Variants in ABHD12B observed in about 807,000 individuals in gnomAD.
ABHD12B encodes the protein protein ABHD12B.
In ABHD12B, 42 loss-of-function variants were observed where a neutral mutation model predicts 50.4. That is an observed-to-expected ratio of 0.83 (90% CI 0.65 to 1.08). ABHD12B has a LOEUF of 1.08. Ranked by LOEUF, ABHD12B falls within the 50% of genes least tolerant of loss-of-function variation. The pLI is 0.00. For missense variants in ABHD12B, 479 were observed against 447.7 expected, an observed-to-expected ratio of 1.07 and a Z score of -0.63; for synonymous variants, 167 against 160.3, an observed-to-expected ratio of 1.04 and a Z score of -0.32.
At chr14:50,885,459 T>A (rs2050022394) in intron 5 of ABHD12B, among the ~76,000 whole-genome samples, 155 bp from the exon 6 acceptor site, 1 of 152,226 alleles carries the variant, frequency 6.6e-6, no homozygotes. Context: ...TAGCTGTTTT[T>A]CTAGGTTCTG....
At chr14:50,889,467 G>A (rs561466901) in intron 9 of ABHD12B, among the ~76,000 whole-genome samples, 3 of 152,212 alleles carry the variant, frequency 2.0e-5, no homozygotes, top group African/African-American at 4.8e-5. Flanking sequence ...GTGAAACCCC[G>A]TCTCTACTAA....
chr14:50,903,892 T>C, intron 11 of ABHD12B, 182 bp from the exon 12 acceptor site: 1 of 600,542 alleles, frequency 1.7e-6, no homozygotes, highest in Non-Finnish European at 3.0e-6. Context: ...CTATATTAGC[T>C]GAGCAGCATT....
At chr14:50,872,791 C>T (rs912947627) in intron 1 of ABHD12B, among the ~76,000 whole-genome samples, 4 of 152,204 alleles carry the variant, frequency 2.6e-5, no homozygotes, top group Non-Finnish European at 4.4e-5. Flanking sequence ...GAAAACACCT[C>T]CAGTATGCTA....
rs140798941 is a variant in ABHD12B at position 50,889,204 on chromosome 14, C to T, written c.780+301C>T. Among the ~76,000 whole-genome samples, 456 of 152,240 alleles carry T rather than the reference C, an allele frequency of 3.0e-3. 1 individual carries two copies. Among genetic ancestry groups the T allele is most frequent in the African/African-American group, 0.01 (431 of 41,522 alleles). On this transcript the variant is annotated intron_variant, in intron 9 of 12. Coordinates refer to ENST00000337334, the MANE Select transcript of ABHD12B (RefSeq NM_001206673.2). ...TTTTCTTCTTAAAAGTGAAAACAAACGTTTCATACATCATTTTTGAGCCCT... is the reference window on the plus strand; with the variant it reads ...TTTTCTTCTTAAAAGTGAAAACAAATGTTTCATACATCATTTTTGAGCCCT...
chr14:50,875,901 C>T (rs1054305805), intron 1 of ABHD12B, among the ~76,000 whole-genome samples: 6 of 152,030 alleles, frequency 3.9e-5, no homozygotes, highest in Admixed American at 2.0e-4. Context: ...CATAGCTTAG[C>T]GGGAGACTAC....
intron 5 of ABHD12B, among the ~76,000 whole-genome samples, chr14:50,884,431 G>A (rs1009391821): frequency 2.0e-5 from 3 of 152,218 alleles, no homozygotes; most frequent in African/African-American, 4.8e-5. Context: ...TTCCTAATGA[G>A]GTTTTGCCAC....
intron 9 of ABHD12B, among the ~76,000 whole-genome samples, chr14:50,898,496 G>C (rs1303283847): frequency 6.6e-6 from 1 of 152,226 alleles, no homozygotes; most frequent in Non-Finnish European, 1.5e-5. Context: ...ACAGAAGAGA[G>C]AGGAAGGTAG....
intron 9 of ABHD12B, among the ~76,000 whole-genome samples, chr14:50,897,242 T>C (rs2050211035): frequency 6.6e-6 from 1 of 151,920 alleles, no homozygotes; most frequent in African/African-American, 2.4e-5. Flanking sequence ...CTGGTTAATT[T>C]TTTGCATTTT....
intron 9 of ABHD12B, chr14:50,893,532 A>G (rs28818516): frequency 0.27 from 41,169 of 152,082 alleles, 6,531 homozygotes; most frequent in East Asian, 0.54. Context: ...GACTCAGCCC[A>G]CCTGCACCCA....
intron 9 of ABHD12B, among the ~76,000 whole-genome samples, chr14:50,889,297 G>C (rs1392426036): frequency 6.6e-6 from 1 of 152,180 alleles, no homozygotes; most frequent in African/African-American, 2.4e-5. Context: ...TAAGAAAGCT[G>C]CCAAATACTT....
At chr14:50,883,364 T>C (rs7160772) in intron 5 of ABHD12B, among the ~76,000 whole-genome samples, 135,920 of 152,192 alleles carry the variant, frequency 0.89, 60,985 homozygotes, top group South Asian at 0.99. Context: ...CATCCTCTCT[T>C]CCCTGTGCAG....
intron 3 of ABHD12B, among the ~76,000 whole-genome samples, chr14:50,879,406 T>C (rs1356259121): frequency 1.3e-5 from 2 of 152,220 alleles, no homozygotes; most frequent in Admixed American, 6.5e-5. Context: ...CTTCAGCAGG[T>C]GATAGACTTT....
In ABHD12B at chr14:50,878,225, A is replaced by G. The variant is rs550402083; in HGVS notation, c.232+146A>G. ...ATGGTCTGAAACTTATTTAATATTG[A>G]CTTTGAAGTCTAGCAGGAATCCTTG... On this transcript the variant is annotated intron_variant, in intron 2 of 12. Transcript: ENST00000337334. 2.1e-5 allele frequency: 16 copies of G among 751,276 alleles called. No individual in the cohort carries two copies. In the South Asian group the frequency reaches 3.1e-4, roughly 15 times the overall value. The allele number at this position is 751,276 out of a possible 1,614,324, so 46.5% of individuals were successfully genotyped here.
At chr14:50,884,743 GTC>G (rs1323182033) in intron 5 of ABHD12B, among the ~76,000 whole-genome samples, 3 of 103,978 alleles carry the variant, frequency 2.9e-5, no homozygotes, top group Middle Eastern at 0.011. Flanking sequence ...TTGAGACAGA[GTC>G]TCTGTTGCCC....
chr14:50,892,421 G>A, intron 9 of ABHD12B: 1 of 985,444 alleles, frequency 1.0e-6, no homozygotes, highest in Non-Finnish European at 1.2e-6. Flanking sequence ...CAGGCGGGGT[G>A]CTAAGCTTTG....
intron 5 of ABHD12B, among the ~76,000 whole-genome samples, chr14:50,882,058 C>T (rs750068808): frequency 6.6e-6 from 1 of 151,998 alleles, no homozygotes; most frequent in African/African-American, 2.4e-5. Flanking sequence ...GCCTCAGCCT[C>T]CCGAGTAGCT....
At chr14:50,891,643 A>T (rs1312255246) in intron 9 of ABHD12B, 1 of 152,220 alleles carries the variant, frequency 6.6e-6, no homozygotes, top group African/African-American at 2.4e-5. Flanking sequence ...TTACCCAAAG[A>T]TTATCAAGAT....
chr14:50,904,828 C>A lies in ABHD12B; in HGVS notation c.*462C>A. The A allele has an allele frequency of 4.3e-6, 1 of 230,144 alleles. No homozygotes were observed. 14.3% of individuals were successfully genotyped at this position (230,144 alleles called of 1,614,324 possible). A position where few individuals can be genotyped will look rare whatever the true frequency, so the allele number is the denominator to read the frequency against. On this transcript the variant is annotated 3_prime_UTR_variant, in exon 13 of 13. Transcript: ENST00000337334. ...TGACCAAAAGAGCTCTTCACTCCTC[C>A]TACCATTTGAGGATACAGTGAGAAG...
At chr14:50,885,471 A>G (rs2050022492) in intron 5 of ABHD12B, 143 bp from the exon 6 acceptor site, 1 of 837,648 alleles carries the variant, frequency 1.2e-6, no homozygotes, top group Non-Finnish European at 1.9e-6. Context: ...TAGGTTCTGC[A>G]GTTAAAAAAA....
Sources: gnomAD v4.1 joint callset for allele counts (sites outside exome capture counted in the v4.1 genomes callset) on GRCh38, gnomAD v4.1.1 for gene constraint, MANE v1.5 for transcripts, NCBI Gene and HGNC (gene_info 2026-07-23, HGNC 2026-07-21) for gene names.